AK9: variants seen among roughly 807,000 people sequenced by gnomAD.
The protein encoded by AK9 is adenylate kinase domain containing 1.
Under a neutral mutation model 239.6 loss-of-function variants are expected in AK9, and 191 were observed. The ratio of observed to expected loss-of-function variants is 0.80; its 90% confidence interval spans 0.71 to 0.90. The LOEUF (loss-of-function observed/expected upper bound fraction) is 0.90, where lower values mean the gene tolerates loss of function less well. AK9 is among the 40% of genes least tolerant of loss of function. AK9 has a pLI of 0.00. For missense variants in AK9, 1,995 were observed against 2,214.7 expected (o/e 0.90, Z 1.99); for synonymous variants, 689 against 721.0 (o/e 0.96, Z 0.71).
chr6:109,689,795 C>A (rs950657667), intron 1 of AK9, among the ~76,000 whole-genome samples: 1 of 152,170 alleles, frequency 6.6e-6, no homozygotes, highest in African/African-American at 2.4e-5. Context: ...TAATTGAAAA[C>A]TAGAATCCTT....
chr6:109,544,600 T>C (rs1239234608), intron 26 of AK9, among the ~76,000 whole-genome samples: 1 of 152,208 alleles, frequency 6.6e-6, no homozygotes, highest in Non-Finnish European at 1.5e-5. Context: ...CTTCACCTTC[T>C]GCCATGATTG....
intron 8 of AK9, among the ~76,000 whole-genome samples, chr6:109,650,503 A>T (rs201090849): frequency 6.7e-6 from 1 of 149,842 alleles, no homozygotes; most frequent in South Asian, 2.1e-4. Context: ...CTGGCCGTCC[A>T]AGAAATGCAA....
intron 1 of AK9, among the ~76,000 whole-genome samples, chr6:109,682,847 G>A (rs1772881385): frequency 6.6e-6 from 1 of 152,112 alleles, no homozygotes; most frequent in Admixed American, 6.5e-5. Flanking sequence ...CATTCCTTCT[G>A]AAACTATTCC....
intron 21 of AK9, among the ~76,000 whole-genome samples, chr6:109,565,198 C>A (rs1208703525): frequency 1.3e-5 from 2 of 152,122 alleles, no homozygotes; most frequent in Non-Finnish European, 2.9e-5. Context: ...ACCCATGAAG[C>A]CAGGCATAGT....
intron 12 of AK9, among the ~76,000 whole-genome samples, chr6:109,628,455 C>T (rs994809032): frequency 3.9e-5 from 6 of 152,180 alleles, no homozygotes; most frequent in Non-Finnish European, 7.3e-5. Flanking sequence ...TGTCCCTATC[C>T]ATGCAGACAA....
At chr6:109,535,619 A>C (rs1375392929) in intron 27 of AK9, among the ~76,000 whole-genome samples, 1 of 152,050 alleles carries the variant, frequency 6.6e-6, no homozygotes, top group African/African-American at 2.4e-5. Flanking sequence ...ATTAGATCCC[A>C]TTTGTCAATT....
At chr6:109,571,969 C>T (rs978481875) in intron 21 of AK9, among the ~76,000 whole-genome samples, 2 of 152,102 alleles carry the variant, frequency 1.3e-5, no homozygotes, top group Non-Finnish European at 1.5e-5. Context: ...TCCTAAATTC[C>T]ATCCTAGACT....
chr6:109,542,053 G>C lies in AK9; in HGVS notation c.3344C>G (p.Pro1115Arg), dbSNP rs1388367067. 4.4e-6 allele frequency: 7 copies of C among 1,589,906 alleles called. No individual in the cohort carries two copies. Among genetic ancestry groups the C allele is most frequent in the African/African-American group, 1.4e-5 (1 of 73,676 alleles). Residue 1115 changes from proline (P) to arginine (R), a missense_variant, in exon 27 of 41, where the codon CCA (proline) becomes CGA (arginine). Around this residue, in one of 5 missense-constraint regions of AK9, gnomAD observed 1,290 missense variants for 1,392.7 expected, o/e 0.93. Transcript: ENST00000424296. ...VILSEWWLKE[P>R]IRSTGFILDG... ...TCTATATAAATTAAGATACCGTATT[G>C]GTTCCTTAAGCCACCACTCAGAAAG...
rs1172183282 is a variant in AK9, at chr6:109,509,416, A to C, written c.4280-36T>G. 3 of 1,516,018 alleles carry C rather than the reference A, an allele frequency of 2.0e-6. No homozygotes were observed. In the African/African-American group the frequency reaches 4.2e-5, roughly 21 times the overall value. The allele number at this position is 1,516,018 out of a possible 1,614,324, so 93.9% of individuals were successfully genotyped here. On this transcript the variant is annotated intron_variant, in intron 32 of 40. Transcript: ENST00000424296. ...TAAAACTTTTAAATTAAATTAAATG[A>C]TTTAGATTCAGGGGGGACATGTGCA...
rs1449953676 is a variant in AK9 at position 109,493,319 on chromosome 6, T to C, written c.*50A>G. ...CAATCTACTTCTCTCAGTTTCCCTC[T>C]ATCACTTTCAGATAACTCTTGAGAT... On this transcript the variant is annotated 3_prime_UTR_variant, in exon 41 of 41. Transcript: ENST00000424296. 1 of 1,562,738 alleles carries C rather than the reference T, an allele frequency of 6.4e-7. No individual in the cohort carries two copies. The highest frequency in any genetic ancestry group is 1.7e-5 in the Admixed American group (1 of 58,232).
chr6:109,496,378 T>C (rs2115394828), intron 38 of AK9, among the ~76,000 whole-genome samples: 1 of 152,336 alleles, frequency 6.6e-6, no homozygotes, highest in South Asian at 2.1e-4. Context: ...TGTTTGTTTG[T>C]AGCCTCTGGA....
At chr6:109,514,881 G>A (rs549616304) in intron 31 of AK9, among the ~76,000 whole-genome samples, 3 of 152,110 alleles carry the variant, frequency 2.0e-5, no homozygotes, top group Admixed American at 1.3e-4. Flanking sequence ...TTGAAGACAG[G>A]GCCTTTAATA....
intron 12 of AK9, among the ~76,000 whole-genome samples, chr6:109,628,894 C>A (rs1795826256): frequency 7.7e-6 from 1 of 130,404 alleles, no homozygotes; most frequent in African/African-American, 2.6e-5. Context: ...AAAGATCTCC[C>A]AGGCTACTGC....
At chr6:109,565,590 ACT>A (rs957182048) in intron 21 of AK9, among the ~76,000 whole-genome samples, 4 of 152,070 alleles carry the variant, frequency 2.6e-5, no homozygotes, top group African/African-American at 9.7e-5. Context: ...GATTTAAGAG[ACT>A]CTCAACTAAT....
chr6:109,651,903 C>T (rs1453658387), intron 8 of AK9, among the ~76,000 whole-genome samples: 2 of 152,040 alleles, frequency 1.3e-5, no homozygotes, highest in Admixed American at 1.3e-4. Flanking sequence ...GAAATTGAGG[C>T]AATAATTAAT....
intron 21 of AK9, among the ~76,000 whole-genome samples, chr6:109,567,602 A>G (rs1583038476): frequency 1.3e-5 from 2 of 152,060 alleles, no homozygotes; most frequent in Middle Eastern, 6.8e-3. Context: ...ATGAAGCTGG[A>G]AACCATCATT....
intron 20 of AK9, among the ~76,000 whole-genome samples, chr6:109,574,227 T>C (rs9386817): frequency 0.087 from 13,169 of 152,054 alleles, 936 homozygotes; most frequent in African/African-American, 0.19. Flanking sequence ...ATACAAAAAT[T>C]AGCTGGGTGT....
At chr6:109,578,040 T>C (rs1305802704) in intron 20 of AK9, among the ~76,000 whole-genome samples, 1 of 151,908 alleles carries the variant, frequency 6.6e-6, no homozygotes, top group Admixed American at 6.6e-5. Context: ...CAAGTGATTC[T>C]CCTGCCTCAG....
intron 17 of AK9, among the ~76,000 whole-genome samples, chr6:109,588,474 T>C (rs9400301): frequency 0.59 from 89,781 of 152,076 alleles, 27,974 homozygotes; most frequent in South Asian, 0.84. Flanking sequence ...TGTTTGAGTT[T>C]CTTGTAGATT....
Sources: allele counts gnomAD v4.1 joint callset (sites outside exome capture counted in the v4.1 genomes callset), GRCh38; gene constraint gnomAD v4.1.1; regional missense constraint gnomAD v4.1.1; transcripts MANE v1.5; gene names NCBI Gene and HGNC (gene_info 2026-07-23, HGNC 2026-07-21).